FAIM2: variants seen among roughly 807,000 people sequenced by gnomAD.
FAIM2 encodes protein lifeguard 2.
Under a neutral mutation model 47.4 loss-of-function variants are expected in FAIM2, and 27 were observed. That is an observed-to-expected ratio of 0.57 (90% CI 0.42 to 0.78). FAIM2 has a LOEUF of 0.78. Among genes scored for constraint, FAIM2 ranks in the 30% least tolerant of loss-of-function variants. The pLI, the probability that FAIM2 is intolerant of heterozygous loss-of-function variation, is 0.00. For synonymous variants in FAIM2, 156 were observed against 159.3 expected, an observed-to-expected ratio of 0.98 and a Z score of 0.16; for missense variants, 311 against 389.4, an observed-to-expected ratio of 0.80 and a Z score of 1.69.
intron 2 of FAIM2, chr12:49,900,144 C>A: frequency 2.4e-6 from 3 of 1,231,112 alleles, no homozygotes; most frequent in African/African-American, 1.5e-5. Context: ...AGGACACCCA[C>A]AAACACCAGA....
Position 49,889,385 on chromosome 12 carries a change from C to A in FAIM2, c.651+96G>T. The A allele has an allele frequency of 4.1e-6, 5 of 1,213,678 alleles. No homozygotes were observed. In the South Asian group the frequency reaches 6.3e-5, roughly 15 times the overall value. The allele number at this position is 1,213,678 out of a possible 1,614,324, so 75.2% of individuals were successfully genotyped here. On this transcript the variant is annotated intron_variant, in intron 9 of 11. Transcript: ENST00000320634. The stretch of plus-strand genomic sequence containing the variant: ...CAACTCACCCCCTTTACTTCTCTCC[C>A]CAGCCCCAGGTCCGAGCTCTGAGGC...
At chr12:49,890,067 G>C (rs766390813) in intron 8 of FAIM2, 50 bp downstream of exon 8, 27 of 1,587,546 alleles carry the variant, frequency 1.7e-5, no homozygotes, top group African/African-American at 1.3e-5. Context: ...CTGGTGCCTG[G>C]CTCCAAGCCT....
rs531914476 is a variant in FAIM2, at chr12:49,898,646, C to A, written c.212-556G>T. On this transcript the variant is annotated intron_variant, in intron 2 of 11. Transcript: ENST00000320634. The stretch of plus-strand genomic sequence containing the variant: ...GGCTCAGGCGATCCTCCCACCTCAA[C>A]CTCCCGAGTAGCTGGGACTACAGGT... 2.6e-5 allele frequency among the ~76,000 whole-genome samples: 4 copies of A among 152,318 alleles called. No homozygotes were observed. The South Asian group carries it at 8.3e-4, about 32-fold the overall frequency.
At chr12:49,883,682 A>T (rs985003899) in intron 11 of FAIM2, among the ~76,000 whole-genome samples, 9 of 152,108 alleles carry the variant, frequency 5.9e-5, no homozygotes, top group Non-Finnish European at 1.3e-4. Flanking sequence ...GCTGCCTGAG[A>T]CCCTGAGGGA....
intron 5 of FAIM2, among the ~76,000 whole-genome samples, chr12:49,891,587 G>T (rs1388175714): frequency 6.6e-6 from 1 of 152,152 alleles, no homozygotes; most frequent in African/African-American, 2.4e-5. Flanking sequence ...CAGGCACTCT[G>T]GCTCCAGAGT....
chr12:49,880,749 T>C (rs1946817946), intron 11 of FAIM2, among the ~76,000 whole-genome samples: 1 of 151,810 alleles, frequency 6.6e-6, no homozygotes, highest in South Asian at 2.1e-4. Flanking sequence ...TGTGCATGTG[T>C]GTGTGCGCAT....
intron 2 of FAIM2, chr12:49,900,357 G>T: frequency 2.4e-6 from 1 of 409,570 alleles, no homozygotes; most frequent in Non-Finnish European, 4.1e-6. Context: ...TGCTGAGGAA[G>T]GCCACAGGGG....
At chr12:49,891,491 C>T (rs1592792130) in intron 5 of FAIM2, among the ~76,000 whole-genome samples, 1 of 152,162 alleles carries the variant, frequency 6.6e-6, no homozygotes, top group Admixed American at 6.5e-5. Context: ...ATCCTCATAT[C>T]TTTACTTTAC....
chr12:49,897,317 G>T (rs907499956), intron 4 of FAIM2, among the ~76,000 whole-genome samples: 1 of 152,154 alleles, frequency 6.6e-6, no homozygotes, highest in Non-Finnish European at 1.5e-5. Context: ...ACACCCAGAA[G>T]GCACCCAGGG....
chr12:49,900,257 G>C (rs1398339212), intron 2 of FAIM2: 2 of 1,270,788 alleles, frequency 1.6e-6, no homozygotes, highest in African/African-American at 1.5e-5. Context: ...TACTCCCTAT[G>C]AGCAGAGGCT....
In FAIM2 at chr12:49,874,159, T is replaced by G. The variant is rs1946720630; in HGVS notation, c.802-3506A>C. 6.6e-6 allele frequency among the ~76,000 whole-genome samples: 1 copy of G among 152,184 alleles called. No individual in the cohort carries two copies. On this transcript the variant is annotated intron_variant, in intron 11 of 11. Transcript: ENST00000320634. This position sits in a 1 kb window ranked among gnomAD's most constrained non-coding sequence, Gnocchi z 4.2. ...AACCCCTAAAAGGAGGGCAGGTACT[T>G]GAGTTAGTGTTCAGCTGAACAGGAG...
intron 11 of FAIM2, among the ~76,000 whole-genome samples, chr12:49,880,006 G>A (rs1384710090): frequency 6.6e-6 from 1 of 150,474 alleles, no homozygotes; most frequent in Non-Finnish European, 1.5e-5. Flanking sequence ...GTGCATATAT[G>A]CGTGTGTATG....
intron 11 of FAIM2, among the ~76,000 whole-genome samples, chr12:49,875,372 G>A (rs1005586844): frequency 2.6e-5 from 4 of 152,120 alleles, no homozygotes; most frequent in Non-Finnish European, 4.4e-5. Flanking sequence ...GGGAGTCTCT[G>A]GAGAAGAGAC....
intron 5 of FAIM2, among the ~76,000 whole-genome samples, chr12:49,893,163 G>T (rs17124080): frequency 0.018 from 2,707 of 152,240 alleles, 80 homozygotes; most frequent in African/African-American, 0.062. Flanking sequence ...TGACTTCCCT[G>T]TATAAAATTC....
At chr12:49,898,823 C>T (rs535254621) in intron 2 of FAIM2, among the ~76,000 whole-genome samples, 2 of 152,272 alleles carry the variant, frequency 1.3e-5, no homozygotes, top group African/African-American at 4.8e-5. Flanking sequence ...CCACTGTGCC[C>T]AGCTCTGACT....
At chr12:49,897,918 G>T in intron 3 of FAIM2, 69 bp downstream of exon 3, 1 of 1,215,924 alleles carries the variant, frequency 8.2e-7, no homozygotes, top group Non-Finnish European at 1.2e-6. Context: ...CAGAGGGTTG[G>T]GCCAGGGACC....
intron 11 of FAIM2, among the ~76,000 whole-genome samples, chr12:49,880,720 G>GTA (rs547017586): frequency 3.1e-3 from 208 of 66,164 alleles, no homozygotes; most frequent in African/African-American, 0.017. Context: ...GTACATGCGT[G>GTA]TATATGTGTG....
chr12:49,880,427 T>C (rs1477898191), intron 11 of FAIM2, among the ~76,000 whole-genome samples: 1 of 149,680 alleles, frequency 6.7e-6, no homozygotes, highest in Non-Finnish European at 1.5e-5. Flanking sequence ...TATATGTGCA[T>C]ATCTCTGCAT....
chr12:49,871,770 G>A lies in FAIM2; in HGVS notation c.802-1117C>T, dbSNP rs184423424. Among the ~76,000 whole-genome samples the A allele has an allele frequency of 7.5e-3, 1,132 of 151,608 alleles. 15 individuals carry two copies. The highest frequency in any genetic ancestry group is 0.026 in the African/African-American group (1,068 of 41,268). The stretch of plus-strand genomic sequence containing the variant: ...CAACCTCCACCTCCCAGGCTCAAGC[G>A]ATTCTCCTGCCTCAGCCTCCCGAGG... On this transcript the variant is annotated intron_variant, in intron 11 of 11. Coordinates refer to ENST00000320634, the MANE Select transcript of FAIM2 (RefSeq NM_012306.4).
Sources: gnomAD v4.1 joint callset for allele counts (sites outside exome capture counted in the v4.1 genomes callset) on GRCh38, gnomAD v4.1.1 for gene constraint, Gnocchi (gnomAD v3.1) non-coding constraint, MANE v1.5 for transcripts, NCBI Gene and HGNC (gene_info 2026-07-23, HGNC 2026-07-21) for gene names.